Variants in GRID2 observed in about 807,000 individuals in gnomAD.
GRID2 encodes glutamate ionotropic receptor delta type subunit 2.
Under a neutral mutation model 114.8 loss-of-function variants are expected in GRID2, and 33 were observed. That is an observed-to-expected ratio of 0.29 (90% CI 0.22 to 0.38). GRID2 has a LOEUF of 0.38. GRID2 is among the 10% of genes least tolerant of loss of function. The pLI, the probability that GRID2 is intolerant of heterozygous loss-of-function variation, is 1.00. For synonymous variants in GRID2, 505 were observed against 449.9 expected, an observed-to-expected ratio of 1.12 and a Z score of -1.55; for missense variants, 1,184 against 1,257.7, an observed-to-expected ratio of 0.94 and a Z score of 0.89.
intron 1 of GRID2, among the ~76,000 whole-genome samples, chr4:93,784,815 G>A (rs956639119): frequency 4.6e-5 from 7 of 152,140 alleles, no homozygotes; most frequent in African/African-American, 1.7e-4. Context: ...GAAACTGAAA[G>A]AAGGGAGAGA....
intron 1 of GRID2, among the ~76,000 whole-genome samples, chr4:92,513,177 CTTAA>C (rs1273855164): frequency 1.3e-5 from 2 of 151,834 alleles, no homozygotes; most frequent in Non-Finnish European, 2.9e-5. Context: ...CTGACTCTTT[CTTAA>C]TTAACCTATT....
intron 5 of GRID2, among the ~76,000 whole-genome samples, chr4:93,216,375 T>A (rs938538953): frequency 1.3e-5 from 2 of 150,772 alleles, no homozygotes; most frequent in African/African-American, 5.0e-5. Context: ...TAGTATTAAT[T>A]AATAATAAAC....
intron 2 of GRID2, among the ~76,000 whole-genome samples, chr4:93,018,693 G>T (rs1560799973): frequency 6.6e-6 from 1 of 152,056 alleles, no homozygotes; most frequent in African/African-American, 2.4e-5. Flanking sequence ...TTTACCACTG[G>T]TGTAAAGAGA....
At chr4:92,742,631 T>C (rs1290183719) in intron 2 of GRID2, among the ~76,000 whole-genome samples, 1 of 152,190 alleles carries the variant, frequency 6.6e-6, no homozygotes, top group Non-Finnish European at 1.5e-5. Context: ...ATTTTTGGTC[T>C]TCACTGAACT....
At chr4:93,393,850 C>T (rs925296482) in intron 8 of GRID2, among the ~76,000 whole-genome samples, 2 of 151,796 alleles carry the variant, frequency 1.3e-5, no homozygotes, top group African/African-American at 2.4e-5. Context: ...AGTTAAGAGA[C>T]GAATTTAAGG....
chr4:92,401,861 C>T lies in GRID2; in HGVS notation c.88+97117C>T, dbSNP rs536236633. Among the ~76,000 whole-genome samples the T allele has an allele frequency of 3.9e-4, 59 of 152,284 alleles. 1 individual carries two copies. In the South Asian group the frequency reaches 0.012, roughly 31 times the overall value. ...ATGAAGTTTGCCACATCAGTTGACA[C>T]TATCTTGCCCATATCTTTTCTCTGT... On this transcript the variant is annotated intron_variant, in intron 1 of 15. Coordinates refer to ENST00000282020, the MANE Select transcript of GRID2 (RefSeq NM_001510.4).
intron 1 of GRID2, among the ~76,000 whole-genome samples, chr4:92,493,146 A>AAG (rs1338737063): frequency 6.6e-6 from 1 of 151,750 alleles, no homozygotes; most frequent in African/African-American, 2.4e-5. Context: ...AAAAAAAAAA[A>AAG]AGAATTGAAT....
chr4:92,512,135 G>A (rs1724283460), intron 1 of GRID2, among the ~76,000 whole-genome samples: 1 of 151,384 alleles, frequency 6.6e-6, no homozygotes, highest in East Asian at 1.9e-4. Flanking sequence ...TTTGTCCTTT[G>A]CAATTGGCTT....
At chr4:92,547,373 A>G (rs769022214) in intron 1 of GRID2, among the ~76,000 whole-genome samples, 4 of 152,186 alleles carry the variant, frequency 2.6e-5, no homozygotes, top group Non-Finnish European at 5.9e-5. Flanking sequence ...TACTGAAAAT[A>G]TATACTCAGT....
At position 93,490,659 on chromosome 4, in the gene GRID2, A is replaced by G. The variant is rs1280153202; in HGVS notation, c.1879A>G (p.Thr627Ala). 2 of 1,610,726 alleles carry G rather than the reference A, an allele frequency of 1.2e-6. No individual in the cohort carries two copies. Among genetic ancestry groups the G allele is most frequent in the Non-Finnish European group, 1.7e-6 (2 of 1,177,738 alleles). The change falls in exon 12 of 16, where the codon ACT becomes GCT. Residue 627 changes from threonine to alanine, a missense_variant. Coordinates refer to ENST00000282020, the MANE Select transcript of GRID2 (RefSeq NM_001510.4). ...TACAGGCGGGGAAGTCCCGTACACG[A>G]CTCTGGCTACCCGAATGATGATGGG... is the stretch of plus-strand genomic sequence containing the variant. ...VQQGGEVPYT[T>A]LATRMMMGAW... is the part of the protein sequence containing the mutation.
chr4:92,923,330 A>G (rs146615121), intron 2 of GRID2, among the ~76,000 whole-genome samples: 2 of 152,244 alleles, frequency 1.3e-5, no homozygotes, highest in East Asian at 3.9e-4. Context: ...TACAATGTGA[A>G]ATCTACTTTC....
chr4:92,841,073 G>C (rs1043101380), intron 2 of GRID2, among the ~76,000 whole-genome samples: 1 of 151,982 alleles, frequency 6.6e-6, no homozygotes, highest in African/African-American at 2.4e-5. Context: ...GTTTATGTGA[G>C]TTGACTCAGA....
At chr4:92,787,578 A>T (rs1258251949) in intron 2 of GRID2, among the ~76,000 whole-genome samples, 4 of 151,920 alleles carry the variant, frequency 2.6e-5, no homozygotes, top group African/African-American at 7.2e-5. Flanking sequence ...TATGATGTGG[A>T]GGTAACCTTA....
At chr4:93,066,296 A>C (rs759771397) in intron 2 of GRID2, among the ~76,000 whole-genome samples, 5 of 152,018 alleles carry the variant, frequency 3.3e-5, no homozygotes, top group Non-Finnish European at 5.9e-5. Flanking sequence ...ACATCTGTTC[A>C]TCTCATTACT....
rs369643744 is a variant in GRID2, at chr4:92,562,179, G to A, written c.89-27952G>A. Among the ~76,000 whole-genome samples the A allele has an allele frequency of 1.8e-4, 27 of 152,216 alleles. No homozygotes were observed. In the East Asian group the frequency reaches 5.2e-3, roughly 29 times the overall value. ...GCTTAATTTGTGAGTTCTGTCCTCT[G>A]TAACAACATGAAATCTCCTTGAAAA... is the stretch of plus-strand genomic sequence containing the variant. On this transcript the variant is annotated intron_variant, in intron 1 of 15. Coordinates refer to ENST00000282020, the MANE Select transcript of GRID2 (RefSeq NM_001510.4).
intron 1 of GRID2, among the ~76,000 whole-genome samples, chr4:92,374,030 G>A (rs1234876479): frequency 6.6e-6 from 1 of 151,600 alleles, no homozygotes; most frequent in South Asian, 2.1e-4. Flanking sequence ...AAAATTCAAA[G>A]CCCCCCCGCC....
chr4:93,656,478 G>A (rs998945345), intron 14 of GRID2, among the ~76,000 whole-genome samples: 1 of 151,964 alleles, frequency 6.6e-6, no homozygotes, highest in Non-Finnish European at 1.5e-5. Context: ...AGATGATTAT[G>A]TCTGTTACTA....
chr4:93,501,820 A>G (rs1292329513), intron 12 of GRID2, among the ~76,000 whole-genome samples: 1 of 152,080 alleles, frequency 6.6e-6, no homozygotes, highest in East Asian at 1.9e-4. Context: ...CTTCTGAACA[A>G]GATGAATCAT....
At chr4:92,770,650 G>T (rs920965641) in intron 2 of GRID2, among the ~76,000 whole-genome samples, 3 of 152,132 alleles carry the variant, frequency 2.0e-5, no homozygotes, top group Admixed American at 6.6e-5. Flanking sequence ...TACATGAATG[G>T]TGGCAGGCAA....
Sources: allele counts gnomAD v4.1 joint callset (sites outside exome capture counted in the v4.1 genomes callset), GRCh38; gene constraint gnomAD v4.1.1; transcripts MANE v1.5; gene names NCBI Gene and HGNC (gene_info 2026-07-23, HGNC 2026-07-21).